ACTR3C: variants seen among roughly 807,000 people sequenced by gnomAD.
ACTR3C encodes actin-related protein 3C.
Under a neutral mutation model 26.3 loss-of-function variants are expected in ACTR3C, and 18 were observed. The ratio of observed to expected loss-of-function variants is 0.68; its 90% CI spans 0.47 to 1.01. The LOEUF (loss-of-function observed/expected upper bound fraction) is 1.01. Among genes scored for constraint, ACTR3C ranks in the 50% least tolerant of loss-of-function variants. The pLI, the probability that ACTR3C is intolerant of heterozygous loss-of-function variation, is 0.00. For synonymous variants in ACTR3C, 55 were observed against 94.5 expected (o/e 0.58, Z 2.42); for missense variants, 184 against 250.7 (o/e 0.73, Z 1.80).
At chr7:150,278,262 G>T (rs985002597) in intron 6 of ACTR3C, among the ~76,000 whole-genome samples, 6 of 152,200 alleles carry the variant, frequency 3.9e-5, no homozygotes, top group African/African-American at 1.4e-4. Context: ...GACCTGAGTT[G>T]ATCTGAGTCG....
the ACTR3C span, among the ~76,000 whole-genome samples, chr7:149,901,425 A>G: frequency 4.2e-4 from 62 of 149,210 alleles, no homozygotes; most frequent in Non-Finnish European, 8.6e-4. Flanking sequence ...TTGCACTACA[A>G]TTTGTAAGAT....
the ACTR3C span, among the ~76,000 whole-genome samples, chr7:150,043,814 A>G: frequency 6.6e-6 from 1 of 152,262 alleles, no homozygotes; most frequent in Non-Finnish European, 1.5e-5. Context: ...GTAATAGAGT[A>G]GAGTATATAA....
chr7:150,104,564 G>A, the ACTR3C span, among the ~76,000 whole-genome samples: 6 of 151,388 alleles, frequency 4.0e-5, no homozygotes, highest in African/African-American at 1.5e-4. Context: ...GCAGTCTCCA[G>A]TGCCACCAAG....
chr7:150,091,920 G>A, the ACTR3C span, among the ~76,000 whole-genome samples: 9 of 135,196 alleles, frequency 6.7e-5, no homozygotes, highest in African/African-American at 2.1e-4. Flanking sequence ...CCCGGGAGGC[G>A]GAGCTTGCAG....
chr7:150,212,881 C>T, the ACTR3C span, among the ~76,000 whole-genome samples: 2 of 151,348 alleles, frequency 1.3e-5, no homozygotes, highest in African/African-American at 2.4e-5. Context: ...CTGGCTCTCT[C>T]ATTAACTGCG....
chr7:150,288,990 T>A (rs28617773), intron 4 of ACTR3C, among the ~76,000 whole-genome samples: 23,914 of 145,636 alleles, frequency 0.16, 2,830 homozygotes, highest in African/African-American at 0.31. Flanking sequence ...CTACACTCAG[T>A]AACTGTGCCA....
At chr7:149,906,422 T>G in the ACTR3C span, among the ~76,000 whole-genome samples, 2 of 5,106 alleles carry the variant, frequency 3.9e-4, no homozygotes, top group East Asian at 0.016. Context: ...CTTTTTTTTT[T>G]TTTTTTTTTT....
chr7:150,235,306 A>G, the ACTR3C span, among the ~76,000 whole-genome samples: 1 of 152,226 alleles, frequency 6.6e-6, no homozygotes, highest in Non-Finnish European at 1.5e-5. Flanking sequence ...TTGAAGAAAC[A>G]AAGTACAAGG....
intron 3 of ACTR3C, among the ~76,000 whole-genome samples, chr7:150,290,151 T>TA (rs1265465092): frequency 1.3e-5 from 2 of 151,942 alleles, no homozygotes; most frequent in Non-Finnish European, 2.9e-5. Context: ...GGGCCAATGA[T>TA]ACAGTTCAGA....
the ACTR3C span, among the ~76,000 whole-genome samples, chr7:150,083,149 T>TA: frequency 6.6e-6 from 1 of 151,406 alleles, no homozygotes; most frequent in Non-Finnish European, 1.5e-5. Context: ...GACAGGCCCG[T>TA]ACTATGTTGT....
chr7:150,127,540 A>G, the ACTR3C span, among the ~76,000 whole-genome samples: 4 of 151,954 alleles, frequency 2.6e-5, no homozygotes, highest in African/African-American at 7.2e-5. Flanking sequence ...TTAATTCTGC[A>G]TGTGACTAAT....
At chr7:149,927,849 G>T in the ACTR3C span, among the ~76,000 whole-genome samples, 1 of 152,206 alleles carries the variant, frequency 6.6e-6, no homozygotes, top group African/African-American at 2.4e-5. Flanking sequence ...AACTTTGGGG[G>T]ATGCTCACGC....
the ACTR3C span, among the ~76,000 whole-genome samples, chr7:150,015,869 T>C: frequency 2.6e-5 from 4 of 152,186 alleles, no homozygotes; most frequent in African/African-American, 9.7e-5. Context: ...ATTCTGGTAG[T>C]GTATGTCTGT....
intron 6 of ACTR3C, among the ~76,000 whole-genome samples, chr7:150,278,810 G>A (rs191800782): frequency 2.1e-3 from 313 of 152,308 alleles, no homozygotes; most frequent in Middle Eastern, 3.4e-3. Flanking sequence ...TAAAAGAGCA[G>A]AGCTCTGGAA....
the ACTR3C span, among the ~76,000 whole-genome samples, chr7:150,048,358 C>T: frequency 3.9e-5 from 6 of 152,130 alleles, no homozygotes; most frequent in Non-Finnish European, 8.8e-5. Flanking sequence ...GCCTCCTCCC[C>T]GCGCCCGGGA....
chr7:150,265,642 C>T (rs188103080), intron 6 of ACTR3C, among the ~76,000 whole-genome samples: 146 of 152,102 alleles, frequency 9.6e-4, no homozygotes, highest in African/African-American at 3.4e-3. Context: ...TGCAGTGAGC[C>T]GAGATGGCAC....
the ACTR3C span, among the ~76,000 whole-genome samples, chr7:150,145,334 G>A: frequency 5.3e-5 from 8 of 152,280 alleles, no homozygotes; most frequent in African/African-American, 1.9e-4. Flanking sequence ...ATGGAGAAAA[G>A]CCACCAGCAG....
At chr7:150,191,107 C>A in the ACTR3C span, among the ~76,000 whole-genome samples, 1 of 152,190 alleles carries the variant, frequency 6.6e-6, no homozygotes, top group Admixed American at 6.5e-5. Flanking sequence ...CAATACCACA[C>A]CGTGTTGATT....
the ACTR3C span, among the ~76,000 whole-genome samples, chr7:150,131,738 CCA>C: frequency 6.6e-6 from 1 of 152,124 alleles, no homozygotes; most frequent in African/African-American, 2.4e-5. Flanking sequence ...AAAAACATGT[CCA>C]CACAAAAGCA....
Sources: allele counts gnomAD v4.1 joint callset (sites outside exome capture counted in the v4.1 genomes callset), GRCh38; gene constraint gnomAD v4.1.1; transcripts MANE v1.5; gene names NCBI Gene and HGNC (gene_info 2026-07-23, HGNC 2026-07-21).